ZFHX3: variants seen among roughly 807,000 people sequenced by gnomAD.
ZFHX3 encodes the protein zinc finger homeobox 3, also known as zinc finger homeobox protein 3.
A neutral mutation model predicts 279.1 loss-of-function variants in ZFHX3; 42 were observed. The observed-to-expected ratio is 0.15, with a 90% CI of 0.12 to 0.19. The LOEUF (loss-of-function observed/expected upper bound fraction) is 0.19, where lower values mean the gene tolerates loss of function less well. ZFHX3 is among the 10% of genes least tolerant of loss of function. The pLI is 1.00. For synonymous variants in ZFHX3, 2,293 were observed against 1,957.8 expected (o/e 1.17, Z -4.52); for missense variants, 4,981 against 4,754.0 (o/e 1.05, Z -1.40).
At chr16:73,295,781 A>G (rs1186337159) in intron 4 of ZFHX3, among the ~76,000 whole-genome samples, 1 of 152,074 alleles carries the variant, frequency 6.6e-6, no homozygotes, top group Non-Finnish European at 1.5e-5. Context: ...GACTGGGGGG[A>G]CAAGGGATGG....
intron 1 of ZFHX3, among the ~76,000 whole-genome samples, chr16:73,031,715 A>G (rs1964707337): frequency 6.6e-6 from 1 of 152,180 alleles, no homozygotes; most frequent in Non-Finnish European, 1.5e-5. Context: ...GAATGCATGA[A>G]CCAGAACGCG....
intron 8 of ZFHX3, among the ~76,000 whole-genome samples, chr16:73,076,495 T>C (rs768592374): frequency 6.6e-6 from 1 of 152,158 alleles, no homozygotes; most frequent in Non-Finnish European, 1.5e-5. Flanking sequence ...GTTGTGAAGA[T>C]TAATAGTTTA....
At chr16:73,363,371 T>C (rs1471627068) in intron 3 of ZFHX3, among the ~76,000 whole-genome samples, 1 of 152,230 alleles carries the variant, frequency 6.6e-6, no homozygotes, top group African/African-American at 2.4e-5. Context: ...CCAAATTCTA[T>C]TGACTTGTTT....
chr16:73,603,834 C>G (rs868498032), intron 2 of ZFHX3, among the ~76,000 whole-genome samples: 1 of 133,540 alleles, frequency 7.5e-6, no homozygotes, highest in African/African-American at 3.0e-5. Context: ...AGTGCAGTGG[C>G]GTGGCATGAT....
chr16:73,794,583 A>G (rs573758704), intron 1 of ZFHX3, among the ~76,000 whole-genome samples: 2 of 152,268 alleles, frequency 1.3e-5, no homozygotes, highest in South Asian at 4.1e-4. Context: ...GAGAGGGGAC[A>G]TAGGGACCCC....
chr16:72,894,014 T>C (rs1280519067), intron 3 of ZFHX3, among the ~76,000 whole-genome samples: 1 of 151,964 alleles, frequency 6.6e-6, no homozygotes, highest in Non-Finnish European at 1.5e-5. Context: ...CCAGGCATAA[T>C]GGTGGGTGCC....
At chr16:73,331,433 C>T (rs2015802504) in intron 3 of ZFHX3, among the ~76,000 whole-genome samples, 1 of 152,126 alleles carries the variant, frequency 6.6e-6, no homozygotes, top group South Asian at 2.1e-4. Flanking sequence ...TTAACTATTC[C>T]TCAATGTGAC....
At chr16:72,943,961 G>T (rs1325979261) in intron 3 of ZFHX3, among the ~76,000 whole-genome samples, 1 of 152,170 alleles carries the variant, frequency 6.6e-6, no homozygotes, top group Non-Finnish European at 1.5e-5. Flanking sequence ...TTCATAAAAA[G>T]TATCTATATG....
chr16:73,735,862 G>A (rs1349145004), intron 1 of ZFHX3, among the ~76,000 whole-genome samples: 1 of 150,102 alleles, frequency 6.7e-6, no homozygotes, highest in Non-Finnish European at 1.5e-5. Flanking sequence ...TGCAAGATTT[G>A]GAAGGCAAAA....
At chr16:73,742,490 T>C (rs1235838925) in intron 1 of ZFHX3, among the ~76,000 whole-genome samples, 19 of 152,336 alleles carry the variant, frequency 1.2e-4, no homozygotes, top group East Asian at 3.9e-4. Flanking sequence ...TGGTCTTCTA[T>C]TAATATTAGT....
intron 1 of ZFHX3, among the ~76,000 whole-genome samples, chr16:72,986,661 C>T (rs902019425): frequency 6.6e-6 from 1 of 152,176 alleles, no homozygotes; most frequent in Non-Finnish European, 1.5e-5. Context: ...ATGCTGTCAC[C>T]TCATGTTCAA....
chr16:73,573,064 A>T (rs2051758360), intron 2 of ZFHX3, among the ~76,000 whole-genome samples: 1 of 152,348 alleles, frequency 6.6e-6, no homozygotes, highest in South Asian at 2.1e-4. Flanking sequence ...TGTTAGCTCC[A>T]TTATTGTATA....
intron 5 of ZFHX3, among the ~76,000 whole-genome samples, chr16:73,166,498 G>C (rs1967372093): frequency 6.6e-6 from 1 of 152,116 alleles, no homozygotes; most frequent in Non-Finnish European, 1.5e-5. Context: ...GCCACCAAGA[G>C]AGCAGTCAAC....
chr16:73,634,136 A>T (rs1171768775), intron 2 of ZFHX3, among the ~76,000 whole-genome samples: 1 of 152,040 alleles, frequency 6.6e-6, no homozygotes, highest in Non-Finnish European at 1.5e-5. Context: ...ATACATATAC[A>T]TACATAATTA....
Position 72,796,431 on chromosome 16 carries a change from G to A in ZFHX3, c.6251C>T (p.Pro2084Leu), listed in dbSNP as rs1464923115. ...CATCGGCATGGAGAGCTGGGTGAGC[G>A]GCACTGATGGCTGGGCCGGTGCAAT... is the stretch of plus-strand genomic sequence containing the variant. Reference protein sequence around the residue: ...PTIAPAQPSVPLTQLSMPMEL... With the variant: ...PTIAPAQPSVLLTQLSMPMEL... Residue 2084 changes from proline (P) to leucine (L), a missense_variant, in exon 9 of 10, where the codon CCG becomes CTG. Physicochemically the swap from Pro to Leu is moderately conservative, Grantham distance 98. This residue lies in a region of ZFHX3 where 1,751 missense variants were observed against 1,770.0 expected (regional missense o/e 0.99). Transcript: ENST00000268489. The A allele has an allele frequency of 3.7e-6, 6 of 1,610,834 alleles. No homozygotes were observed. Among genetic ancestry groups the A allele is most frequent in the African/African-American group, 1.3e-5 (1 of 74,828 alleles).
intron 3 of ZFHX3, among the ~76,000 whole-genome samples, chr16:73,436,062 G>A (rs961498056): frequency 3.3e-5 from 5 of 152,220 alleles, no homozygotes; most frequent in African/African-American, 1.2e-4. Context: ...CGGCGCGGTG[G>A]CTCACGCCTG....
In ZFHX3 at chr16:73,533,258, T is replaced by C. The variant is rs75179390; in HGVS notation, c.-1546-77000A>G. Among the ~76,000 whole-genome samples the C allele has an allele frequency of 7.8e-3, 1,181 of 151,870 alleles. 13 individuals are homozygous for C. The highest frequency in any genetic ancestry group is 0.071 in the Middle Eastern group (21 of 294). ...CTACTTCACCAAGAAAAATGAAGGA[T>C]TCAGAAGTGAACTTCCAAGGACTCC... On this transcript the variant is annotated intron_variant, in intron 2 of 17. Transcript: ENST00000641206.
intron 5 of ZFHX3, among the ~76,000 whole-genome samples, chr16:73,256,411 T>G (rs929208159): frequency 1.3e-5 from 2 of 152,242 alleles, no homozygotes; most frequent in South Asian, 4.1e-4. Flanking sequence ...AATGTACATG[T>G]GAACAATAGG....
chr16:73,191,288 G>A (rs551554688), intron 5 of ZFHX3, among the ~76,000 whole-genome samples: 17 of 152,186 alleles, frequency 1.1e-4, no homozygotes, highest in African/African-American at 3.6e-4. Context: ...TGTGTTGAAC[G>A]TTCCGTGGCT....
Sources: allele counts gnomAD v4.1 joint callset (sites outside exome capture counted in the v4.1 genomes callset), GRCh38; gene constraint gnomAD v4.1.1; regional missense constraint gnomAD v4.1.1; transcripts MANE v1.5; gene names NCBI Gene and HGNC (gene_info 2026-07-23, HGNC 2026-07-21).